SLC35F3: variants seen among roughly 807,000 people sequenced by gnomAD.
The protein encoded by SLC35F3 is putative thiamine transporter SLC35F3.
SLC35F3 carries 25 observed loss-of-function variants against 49.9 expected under a neutral mutation model. That is an observed-to-expected ratio of 0.50 (90% CI 0.37 to 0.70). The LOEUF is 0.70. Among genes scored for constraint, SLC35F3 ranks in the 30% least tolerant of loss-of-function variants. The probability of loss-of-function intolerance (pLI) is 0.00; values close to 1 mark genes in which losing one functional copy is unlikely to be tolerated. For missense variants in SLC35F3, 525 were observed against 639.8 expected, an observed-to-expected ratio of 0.82 and a Z score of 1.94; for synonymous variants, 275 against 265.4, an observed-to-expected ratio of 1.04 and a Z score of -0.35.
intron 2 of SLC35F3, among the ~76,000 whole-genome samples, chr1:234,119,358 A>G (rs1665539594): frequency 6.7e-6 from 1 of 150,368 alleles, no homozygotes; most frequent in African/African-American, 2.5e-5. Context: ...CCACAATGTT[A>G]TGAAGACATC....
At chr1:233,949,062 A>G (rs943455373) in intron 2 of SLC35F3, among the ~76,000 whole-genome samples, 9 of 151,902 alleles carry the variant, frequency 5.9e-5, no homozygotes, top group Admixed American at 2.6e-4. Flanking sequence ...TTCACACATA[A>G]TCTCGTCTGA....
At chr1:233,924,570 T>A (rs1176730152) in intron 2 of SLC35F3, among the ~76,000 whole-genome samples, 1 of 149,816 alleles carries the variant, frequency 6.7e-6, no homozygotes, top group Admixed American at 6.6e-5. Flanking sequence ...TTGTTGATCT[T>A]TTCAAAAAAC....
chr1:234,287,029 C>T (rs947987064), intron 3 of SLC35F3, among the ~76,000 whole-genome samples: 1 of 151,928 alleles, frequency 6.6e-6, no homozygotes, highest in Non-Finnish European at 1.5e-5. Context: ...AAAGTTTCTA[C>T]AAAAAGTTAA....
chr1:233,911,058 A>G (rs565028914), intron 2 of SLC35F3, among the ~76,000 whole-genome samples: 45 of 152,140 alleles, frequency 3.0e-4, no homozygotes, highest in Non-Finnish European at 5.4e-4. Flanking sequence ...ACCTGGTGAC[A>G]AGGAAATTGC....
At chr1:234,064,179 C>T (rs1489230755) in intron 2 of SLC35F3, among the ~76,000 whole-genome samples, 1 of 152,152 alleles carries the variant, frequency 6.6e-6, no homozygotes, top group Non-Finnish European at 1.5e-5. Context: ...CCTCCATTGC[C>T]TTGTGATCCT....
At chr1:234,149,581 T>C (rs1666042334) in intron 2 of SLC35F3, among the ~76,000 whole-genome samples, 1 of 152,180 alleles carries the variant, frequency 6.6e-6, no homozygotes, top group Non-Finnish European at 1.5e-5. Flanking sequence ...GCTTCCTCCA[T>C]GAACCAAAGA....
intron 3 of SLC35F3, among the ~76,000 whole-genome samples, chr1:234,298,560 G>A (rs1467277914): frequency 2.6e-5 from 4 of 152,190 alleles, no homozygotes; most frequent in Non-Finnish European, 4.4e-5. Flanking sequence ...TTCAGAGATC[G>A]TGATCTACCT....
intron 2 of SLC35F3, among the ~76,000 whole-genome samples, chr1:233,927,847 A>T (rs766259295): frequency 1.2e-4 from 18 of 152,190 alleles, no homozygotes; most frequent in Non-Finnish European, 1.8e-4. Flanking sequence ...TATTATTGGT[A>T]TCAAATAACT....
intron 2 of SLC35F3, among the ~76,000 whole-genome samples, chr1:234,226,961 G>GCGCACACA (rs141422884): frequency 0.11 from 16,611 of 148,604 alleles, 1,910 homozygotes; most frequent in East Asian, 0.57. Flanking sequence ...GCGCACGCGT[G>GCGCACACA]CACACACACA....
At chr1:234,276,337 T>A (rs938910319) in intron 3 of SLC35F3, among the ~76,000 whole-genome samples, 1 of 152,146 alleles carries the variant, frequency 6.6e-6, no homozygotes, top group Non-Finnish European at 1.5e-5. Context: ...ACAGTGAGAC[T>A]CATTCACCAG....
At chr1:234,226,535 G>T (rs1250418186) in intron 2 of SLC35F3, among the ~76,000 whole-genome samples, 1 of 135,494 alleles carries the variant, frequency 7.4e-6, no homozygotes, top group Non-Finnish European at 1.5e-5. Context: ...CATTGTAGAA[G>T]TGACTTACAT....
intron 2 of SLC35F3, among the ~76,000 whole-genome samples, chr1:234,143,479 G>A (rs562161203): frequency 1.3e-5 from 2 of 151,932 alleles, no homozygotes; most frequent in South Asian, 4.2e-4. Flanking sequence ...TAGTAGAGAC[G>A]GGGATTCACC....
chr1:234,101,653 A>G (rs1665215151), intron 2 of SLC35F3, among the ~76,000 whole-genome samples: 1 of 152,262 alleles, frequency 6.6e-6, no homozygotes, highest in Admixed American at 6.5e-5. Flanking sequence ...TAGCACTTAC[A>G]GCACTTTTCT....
chr1:234,067,211 A>G (rs12123079), intron 2 of SLC35F3, among the ~76,000 whole-genome samples: 4,110 of 152,030 alleles, frequency 0.027, 82 homozygotes, highest in Non-Finnish European at 0.041. Context: ...GCTTTTTGAG[A>G]TCTCAACTTA....
chr1:234,110,228 A>C (rs1178898139), intron 2 of SLC35F3, among the ~76,000 whole-genome samples: 2 of 152,206 alleles, frequency 1.3e-5, no homozygotes, highest in African/African-American at 4.8e-5. Flanking sequence ...TATTCCTTGC[A>C]AGAGCTCTTG....
At chr1:234,122,425 A>G (rs145518097) in intron 2 of SLC35F3, among the ~76,000 whole-genome samples, 7 of 152,350 alleles carry the variant, frequency 4.6e-5, no homozygotes, top group African/African-American at 1.7e-4. Context: ...ATTCTAGAAA[A>G]TGACTTCAAA....
chr1:234,094,430 A>C (rs527611121), intron 2 of SLC35F3, among the ~76,000 whole-genome samples: 62 of 152,388 alleles, frequency 4.1e-4, no homozygotes, highest in African/African-American at 1.3e-3. Flanking sequence ...CAATTTCCCC[A>C]GCCAGGGTCT....
At chr1:234,126,756 C>A (rs760910845) in intron 2 of SLC35F3, among the ~76,000 whole-genome samples, 1 of 152,068 alleles carries the variant, frequency 6.6e-6, no homozygotes, top group Non-Finnish European at 1.5e-5. Flanking sequence ...AGTACAGAAG[C>A]ACAATCATAG....
intron 2 of SLC35F3, among the ~76,000 whole-genome samples, chr1:233,983,042 C>G (rs1237300553): frequency 6.6e-6 from 1 of 152,166 alleles, no homozygotes; most frequent in Non-Finnish European, 1.5e-5. Context: ...TCCTGTAGCT[C>G]TCCACGTGGC....
Sources: allele counts gnomAD v4.1 joint callset (sites outside exome capture counted in the v4.1 genomes callset), GRCh38; gene constraint gnomAD v4.1.1; transcripts MANE v1.5; gene names NCBI Gene and HGNC (gene_info 2026-07-23, HGNC 2026-07-21).